The following MCOLN2 variants were observed in gnomAD, a reference collection of about 807,000 sequenced individuals.
MCOLN2 encodes mucolipin-2.
Under a neutral mutation model 67.5 loss-of-function variants are expected in MCOLN2, and 57 were observed. That is an observed-to-expected ratio of 0.84 (90% confidence interval 0.68 to 1.05). MCOLN2 has a LOEUF of 1.05. Ranked by LOEUF, MCOLN2 falls within the 50% of genes least tolerant of loss-of-function variation. The pLI is 0.00. For missense variants in MCOLN2, 620 were observed against 678.8 expected (o/e 0.91, Z 0.96); for synonymous variants, 246 against 233.3 (o/e 1.05, Z -0.50).
At chr1:84,971,719 G>T (rs1649700391) in intron 1 of MCOLN2, among the ~76,000 whole-genome samples, 1 of 152,016 alleles carries the variant, frequency 6.6e-6, no homozygotes, top group South Asian at 2.1e-4. Flanking sequence ...CACCTGGCTG[G>T]GGGTTTTACA....
At chr1:84,933,545 G>A (rs667372) in intron 11 of MCOLN2, among the ~76,000 whole-genome samples, 7 of 152,180 alleles carry the variant, frequency 4.6e-5, no homozygotes, top group Non-Finnish European at 1.0e-4. Flanking sequence ...TTTTCCATAC[G>A]CTACACAAGC....
chr1:84,970,170 G>T (rs1024876512), intron 1 of MCOLN2, among the ~76,000 whole-genome samples: 1 of 152,064 alleles, frequency 6.6e-6, no homozygotes, highest in African/African-American at 2.4e-5. Flanking sequence ...CTCAAAATAT[G>T]CTTTTTCATT....
intron 2 of MCOLN2, among the ~76,000 whole-genome samples, chr1:84,960,127 T>C (rs1281669932): frequency 1.3e-5 from 2 of 152,252 alleles, no homozygotes; most frequent in Non-Finnish European, 2.9e-5. Flanking sequence ...TTAGCTTTTA[T>C]ATTTTGTTGT....
At chr1:84,937,934 T>C in intron 10 of MCOLN2, 47 bp downstream of exon 10, 1 of 1,613,464 alleles carries the variant, frequency 6.2e-7, no homozygotes, top group Non-Finnish European at 8.5e-7. Context: ...ACCCAAAGAA[T>C]AAATGAGTCT....
intron 2 of MCOLN2, among the ~76,000 whole-genome samples, chr1:84,959,941 T>C (rs1648990613): frequency 6.6e-6 from 1 of 152,188 alleles, no homozygotes; most frequent in South Asian, 2.1e-4. Context: ...GGCCTGTGGC[T>C]GTAGTCCCAG....
chr1:84,979,110 C>T (rs1253091076), intron 1 of MCOLN2, among the ~76,000 whole-genome samples: 2 of 152,136 alleles, frequency 1.3e-5, no homozygotes, highest in African/African-American at 4.8e-5. Flanking sequence ...GTCTGCCTTT[C>T]CCAGCCCACT....
chr1:84,982,339 G>A (rs183542899), intron 1 of MCOLN2, among the ~76,000 whole-genome samples: 31 of 152,186 alleles, frequency 2.0e-4, no homozygotes, highest in African/African-American at 7.5e-4. Context: ...GTCTCACTAT[G>A]TTGGCCAGGT....
chr1:84,991,715 ACCTCTGATCACCACTTTGCTG>A (rs1187253481), intron 1 of MCOLN2, among the ~76,000 whole-genome samples: 2 of 152,082 alleles, frequency 1.3e-5, no homozygotes, highest in Non-Finnish European at 2.9e-5. Flanking sequence ...CCTAAAAATC[ACCTCTGATCACCACTTTGCTG>A]CCTCTGAACA....
intron 11 of MCOLN2, among the ~76,000 whole-genome samples, chr1:84,932,986 T>C (rs1489404472): frequency 6.6e-6 from 1 of 152,216 alleles, no homozygotes; most frequent in Non-Finnish European, 1.5e-5. Flanking sequence ...TCCTCCTTTA[T>C]GCAGCCTCAT....
At position 84,996,954 on chromosome 1, in the gene MCOLN2, C is replaced by G. The variant is rs1057214794; in HGVS notation, c.-82G>C. ...CACGGCCGACTCATTTCGCCCTCGC[C>G]GTAACGCGTCCGCCGAAGTTGGAGC... On this transcript the variant is annotated 5_prime_UTR_variant, in exon 1 of 14. Coordinates refer to ENST00000370608, the MANE Select transcript of MCOLN2 (RefSeq NM_153259.4). 22 of 1,283,790 alleles carry G rather than the reference C, an allele frequency of 1.7e-5. No individual in the cohort carries two copies. The highest frequency in any genetic ancestry group is 2.4e-5 in the Non-Finnish European group (21 of 888,684). 79.5% of individuals were successfully genotyped at this position (1,283,790 alleles called of 1,614,324 possible).
At chr1:84,951,900 C>A (rs1648498072) in intron 6 of MCOLN2, among the ~76,000 whole-genome samples, 1 of 152,056 alleles carries the variant, frequency 6.6e-6, no homozygotes, top group Admixed American at 6.6e-5. Context: ...TGGCAAAACC[C>A]TGTCTTGTCT....
chr1:84,979,251 AAAG>A (rs1347238906), intron 1 of MCOLN2, among the ~76,000 whole-genome samples: 1 of 152,198 alleles, frequency 6.6e-6, no homozygotes, highest in Non-Finnish European at 1.5e-5. Flanking sequence ...CCAAATGTTT[AAAG>A]AAGAACTAAT....
chr1:84,972,065 C>G (rs150442562), intron 1 of MCOLN2: 1 of 152,210 alleles, frequency 6.6e-6, no homozygotes, highest in Non-Finnish European at 1.5e-5. Context: ...ACAACAAAAA[C>G]AAACAAACAA....
Position 84,938,070 on chromosome 1 carries a change from AG to A in MCOLN2, c.1122del (p.Tyr375MetfsTer32). On this transcript the variant is annotated frameshift_variant, in exon 10 of 14. Transcript: ENST00000370608. LOFTEE classifies it high-confidence loss of function. ...KMEIKAKNLT[N>X]YDLCSIFLGT... is the part of the protein sequence containing the mutation. The stretch of plus-strand genomic sequence containing the variant: ...CCAAGAAAAATGCTGCAGAGATCAT[AG>A]TTTGTGAGATTCTAAGGAATGAAAA... The A allele has an allele frequency of 6.2e-7, 1 of 1,610,372 alleles. No homozygotes were observed. The highest frequency in any genetic ancestry group is 1.7e-4 in the Middle Eastern group (1 of 6,046).
intron 7 of MCOLN2, 52 bp downstream of exon 7, chr1:84,946,981 A>C (rs938879560): frequency 6.9e-6 from 6 of 872,874 alleles, no homozygotes; most frequent in Non-Finnish European, 1.1e-5. Context: ...CCACAAAATA[A>C]AGTGTTAAAA....
At chr1:84,975,818 T>G (rs1390822073) in intron 1 of MCOLN2, among the ~76,000 whole-genome samples, 3 of 152,060 alleles carry the variant, frequency 2.0e-5, no homozygotes, top group Non-Finnish European at 4.4e-5. Flanking sequence ...ATCAGATAAA[T>G]TTAACAGAGA....
At chr1:84,989,599 G>A (rs1229945621) in intron 1 of MCOLN2, among the ~76,000 whole-genome samples, 1 of 151,964 alleles carries the variant, frequency 6.6e-6, no homozygotes, top group Non-Finnish European at 1.5e-5. Context: ...ATTGATAGTA[G>A]TATAATATAT....
intron 11 of MCOLN2, among the ~76,000 whole-genome samples, chr1:84,932,411 C>T (rs1263417951): frequency 1.3e-5 from 2 of 152,038 alleles, no homozygotes; most frequent in Admixed American, 1.3e-4. Context: ...TGGGGTTTCA[C>T]CATGTTGGCC....
intron 1 of MCOLN2, among the ~76,000 whole-genome samples, chr1:84,987,593 T>G (rs1459599025): frequency 6.6e-5 from 5 of 75,906 alleles, no homozygotes; most frequent in African/African-American, 1.3e-4. Context: ...TATATACATA[T>G]GTATATAGAT....
Sources: allele counts gnomAD v4.1 joint callset (sites outside exome capture counted in the v4.1 genomes callset), GRCh38; gene constraint gnomAD v4.1.1; transcripts MANE v1.5; gene names NCBI Gene and HGNC (gene_info 2026-07-23, HGNC 2026-07-21).